The following DNAJC3 variants were observed in gnomAD, a reference collection of about 807,000 sequenced individuals.
The protein encoded by DNAJC3 is DnaJ heat shock protein family (Hsp40) member C3.
A neutral mutation model predicts 68.6 loss-of-function variants in DNAJC3; 38 were observed. The observed-to-expected ratio is 0.55, with a 90% CI of 0.43 to 0.73. DNAJC3 has a LOEUF of 0.73. Ranked by LOEUF, DNAJC3 falls within the 30% of genes least tolerant of loss-of-function variation. The pLI, the probability that DNAJC3 is intolerant of heterozygous loss-of-function variation, is 0.00. For synonymous variants in DNAJC3, 203 were observed against 204.0 expected (o/e 1.00, Z 0.04); for missense variants, 526 against 591.9 (o/e 0.89, Z 1.16).
intron 9 of DNAJC3, among the ~76,000 whole-genome samples, chr13:95,783,564 T>C (rs1314649180): frequency 1.3e-5 from 2 of 152,156 alleles, no homozygotes; most frequent in East Asian, 3.9e-4. Context: ...CTGGGAGAAG[T>C]TTTTTATGTC....
intron 4 of DNAJC3, among the ~76,000 whole-genome samples, chr13:95,746,032 C>T (rs1377428354): frequency 3.3e-5 from 5 of 152,112 alleles, no homozygotes; most frequent in Non-Finnish European, 5.9e-5. Context: ...AGGCTTAGAG[C>T]AGTTTAGTAA....
intron 1 of DNAJC3, among the ~76,000 whole-genome samples, chr13:95,686,176 T>C (rs1880069957): frequency 6.6e-6 from 1 of 152,174 alleles, no homozygotes; most frequent in Non-Finnish European, 1.5e-5. Context: ...CTAGCCAGAA[T>C]GGTCTTGATC....
intron 7 of DNAJC3, among the ~76,000 whole-genome samples, chr13:95,762,321 G>C (rs1430168196): frequency 1.3e-5 from 2 of 152,112 alleles, no homozygotes; most frequent in African/African-American, 4.8e-5. Context: ...GCTAGACAGA[G>C]CAGACTTCTG....
chr13:95,772,794 T>G (rs931456955), intron 9 of DNAJC3, among the ~76,000 whole-genome samples: 1 of 152,240 alleles, frequency 6.6e-6, no homozygotes, highest in East Asian at 1.9e-4. Flanking sequence ...TAAATTAAAC[T>G]GACATTTCTA....
At chr13:95,766,935 C>T (rs1046936265) in intron 9 of DNAJC3, among the ~76,000 whole-genome samples, 1 of 151,950 alleles carries the variant, frequency 6.6e-6, no homozygotes, top group Non-Finnish European at 1.5e-5. Flanking sequence ...CTCCTGACCT[C>T]GTGATCTGCC....
At chr13:95,691,670 T>G (rs1880266707) in intron 1 of DNAJC3, among the ~76,000 whole-genome samples, 1 of 152,204 alleles carries the variant, frequency 6.6e-6, no homozygotes, top group African/African-American at 2.4e-5. Context: ...GGGCAGAGGC[T>G]GCAATCTCGG....
chr13:95,688,354 T>A (rs962095375), intron 1 of DNAJC3, among the ~76,000 whole-genome samples: 2 of 152,086 alleles, frequency 1.3e-5, no homozygotes, highest in East Asian at 3.9e-4. Context: ...TCTTTTCTAG[T>A]TTTCAAGGGA....
At chr13:95,734,333 G>A (rs888903664) in intron 4 of DNAJC3, among the ~76,000 whole-genome samples, 1 of 152,192 alleles carries the variant, frequency 6.6e-6, no homozygotes, top group African/African-American at 2.4e-5. Context: ...AGCACTTTGA[G>A]TATATCATTC....
chr13:95,785,690 C>T (rs540986635), intron 9 of DNAJC3, among the ~76,000 whole-genome samples: 65 of 151,222 alleles, frequency 4.3e-4, no homozygotes, highest in Non-Finnish European at 8.6e-4. Flanking sequence ...GTTTTGAACT[C>T]CTGACCCTCA....
At chr13:95,686,172 A>G (rs1880069860) in intron 1 of DNAJC3, among the ~76,000 whole-genome samples, 2 of 152,130 alleles carry the variant, frequency 1.3e-5, no homozygotes, top group Admixed American at 6.5e-5. Flanking sequence ...TGTGCTAGCC[A>G]GAATGGTCTT....
intron 1 of DNAJC3, among the ~76,000 whole-genome samples, chr13:95,690,690 G>A (rs1469166164): frequency 7.8e-5 from 11 of 141,502 alleles, no homozygotes; most frequent in South Asian, 2.3e-4. Flanking sequence ...CCTCCCGGAC[G>A]GGGCGGCTGG....
intron 9 of DNAJC3, among the ~76,000 whole-genome samples, chr13:95,768,248 T>C (rs1192596004): frequency 6.6e-6 from 1 of 152,238 alleles, no homozygotes; most frequent in Non-Finnish European, 1.5e-5. Context: ...ATAGTACTTA[T>C]CTCCTAGAAT....
rs761874149 is a variant in DNAJC3 at position 95,760,004 on chromosome 13, ATTCT to A, written c.547-30_547-27del. Reference sequence around the variant, plus strand: ...ATGCAACAATGAATGTGCATAATTTATTCTTTCTTAAAGTCTAGTTCTTTTGTTC... The same window carrying A: ...ATGCAACAATGAATGTGCATAATTTATTCTTAAAGTCTAGTTCTTTTGTTC... On this transcript the variant is annotated intron_variant, in intron 5 of 11. Coordinates refer to ENST00000602402, the MANE Select transcript of DNAJC3 (RefSeq NM_006260.5). The A allele has an allele frequency of 2.6e-6, 4 of 1,515,670 alleles. No homozygotes were observed. In the East Asian group the frequency reaches 6.8e-5, roughly 26 times the overall value. The allele number at this position is 1,515,670 out of a possible 1,614,324, so 93.9% of individuals were successfully genotyped here.
intron 1 of DNAJC3, among the ~76,000 whole-genome samples, chr13:95,697,313 A>G (rs1566471586): frequency 6.6e-6 from 1 of 152,112 alleles, no homozygotes; most frequent in African/African-American, 2.4e-5. Context: ...ATTCTTGGTT[A>G]TAGTTTTTTT....
At chr13:95,725,120 A>G in intron 3 of DNAJC3, 58 bp from the exon 4 acceptor site, 1 of 1,210,380 alleles carries the variant, frequency 8.3e-7, no homozygotes, top group Non-Finnish European at 1.1e-6. Flanking sequence ...CTTCGTGTTT[A>G]AAAAAGATTT....
At chr13:95,738,948 G>T (rs1043161665) in intron 4 of DNAJC3, among the ~76,000 whole-genome samples, 1 of 152,036 alleles carries the variant, frequency 6.6e-6, no homozygotes, top group Non-Finnish European at 1.5e-5. Flanking sequence ...GCATGATTTT[G>T]CAGCGGCTGG....
intron 1 of DNAJC3, among the ~76,000 whole-genome samples, chr13:95,691,198 C>A (rs1408447590): frequency 4.0e-5 from 6 of 149,874 alleles, no homozygotes; most frequent in Non-Finnish European, 7.4e-5. Context: ...GGCGGCTGAC[C>A]CCCCCACCTC....
intron 5 of DNAJC3, among the ~76,000 whole-genome samples, 197 bp downstream of exon 5, chr13:95,757,993 G>A (rs184035242): frequency 8.0e-4 from 122 of 152,296 alleles, no homozygotes; most frequent in South Asian, 1.0e-3. Flanking sequence ...TGTACTGAAT[G>A]TGCTGTGGCA....
intron 9 of DNAJC3, among the ~76,000 whole-genome samples, chr13:95,780,072 C>T (rs1281832957): frequency 6.6e-6 from 1 of 152,140 alleles, no homozygotes; most frequent in Non-Finnish European, 1.5e-5. Context: ...AGTTAACAGT[C>T]GCAGTACTCT....
Sources: allele counts gnomAD v4.1 joint callset (sites outside exome capture counted in the v4.1 genomes callset), GRCh38; gene constraint gnomAD v4.1.1; transcripts MANE v1.5; gene names NCBI Gene and HGNC (gene_info 2026-07-23, HGNC 2026-07-21).